The following CYYR1 variants were observed in gnomAD, a reference collection of about 807,000 sequenced individuals.
CYYR1 encodes cysteine and tyrosine rich 1.
In CYYR1, 14 loss-of-function variants were observed where a neutral mutation model predicts 15.2. That is an observed-to-expected ratio of 0.92 (90% CI 0.61 to 1.44). The LOEUF is 1.44. CYYR1 is among the 40% of genes most tolerant of loss of function. The pLI is 0.00. For synonymous variants in CYYR1, 80 were observed against 77.4 expected (o/e 1.03, Z -0.18); for missense variants, 228 against 209.5 (o/e 1.09, Z -0.54).
chr21:26,540,935 A>T (rs1978509055), intron 2 of CYYR1, among the ~76,000 whole-genome samples: 1 of 152,194 alleles, frequency 6.6e-6, no homozygotes, highest in Non-Finnish European at 1.5e-5. Context: ...CTCAGCAGAG[A>T]GATTGCAACT....
intron 2 of CYYR1, chr21:26,551,765 G>T: frequency 4.2e-6 from 1 of 237,998 alleles, no homozygotes; most frequent in Admixed American, 4.8e-5. Flanking sequence ...AAAATGCTGT[G>T]AACACTGTGG....
intron 2 of CYYR1, among the ~76,000 whole-genome samples, chr21:26,513,239 A>T (rs562019625): frequency 2.1e-4 from 32 of 152,240 alleles, no homozygotes; most frequent in African/African-American, 7.7e-4. Context: ...GCCTTGTACG[A>T]TCCTTAGTCT....
At chr21:26,506,371 G>C (rs1281208691) in intron 2 of CYYR1, among the ~76,000 whole-genome samples, 1 of 152,098 alleles carries the variant, frequency 6.6e-6, no homozygotes, top group Non-Finnish European at 1.5e-5. Flanking sequence ...ATGTCAATGA[G>C]GTTTCACTGC....
chr21:26,542,290 CGTGTGTGTGTGTGTGT>C (rs55725152), intron 2 of CYYR1, among the ~76,000 whole-genome samples: 1 of 128,070 alleles, frequency 7.8e-6, no homozygotes, highest in Non-Finnish European at 1.6e-5. Context: ...TGTGTGTGTG[CGTGTGTGTGTGTGTGT>C]GTGTGTGTGT....
chr21:26,529,625 A>G (rs1367517995), intron 2 of CYYR1, among the ~76,000 whole-genome samples: 1 of 152,246 alleles, frequency 6.6e-6, no homozygotes, highest in African/African-American at 2.4e-5. Flanking sequence ...CCAGTAGCAT[A>G]GTGCATATAA....
At chr21:26,533,464 G>C (rs540843448) in intron 2 of CYYR1, among the ~76,000 whole-genome samples, 30 of 152,110 alleles carry the variant, frequency 2.0e-4, no homozygotes, top group African/African-American at 7.2e-4. Flanking sequence ...TGAAGTCCAA[G>C]GGCAGAAGAA....
intron 2 of CYYR1, among the ~76,000 whole-genome samples, chr21:26,554,946 A>C (rs1400211206): frequency 2.6e-5 from 4 of 152,010 alleles, no homozygotes; most frequent in Non-Finnish European, 2.9e-5. Flanking sequence ...AATGACAGGA[A>C]AAATTTGTAA....
chr21:26,557,640 T>C (rs1979889155), intron 2 of CYYR1, among the ~76,000 whole-genome samples: 1 of 152,146 alleles, frequency 6.6e-6, no homozygotes, highest in Non-Finnish European at 1.5e-5. Flanking sequence ...GCTCCGTTGT[T>C]GGCTTGCTGT....
At position 26,473,940 on chromosome 21, in the gene CYYR1, T is replaced by C. The variant is rs1343365369; in HGVS notation, c.335-5306A>G. Reference sequence around the variant, plus strand: ...GGCCAGGAGGTGCTCAGGCTGTTCATAATCTTCATAGCCACTTTTCAAGCT... The same window carrying C: ...GGCCAGGAGGTGCTCAGGCTGTTCACAATCTTCATAGCCACTTTTCAAGCT... On this transcript the variant is annotated intron_variant, in intron 3 of 3. Coordinates refer to ENST00000652641, the MANE Select transcript of CYYR1 (RefSeq NM_001320768.2). Among the ~76,000 whole-genome samples, 4 of 152,308 alleles carry C rather than the reference T, an allele frequency of 2.6e-5. No homozygotes were observed. In the East Asian group the frequency reaches 7.7e-4, roughly 29 times the overall value.
rs562770808 is a variant in CYYR1 at position 26,476,013 on chromosome 21, T to C, written c.334+4259A>G. The stretch of plus-strand genomic sequence containing the variant: ...ACAGAAGTTTTCTTTAGTATGAACA[T>C]GAGCTTGTGATCTCTAAAAAGGTTT... On this transcript the variant is annotated intron_variant, in intron 3 of 3. Transcript: ENST00000652641. Among the ~76,000 whole-genome samples, 200 of 152,320 alleles carry C rather than the reference T, an allele frequency of 1.3e-3. 2 individuals are homozygous for C. Among genetic ancestry groups the C allele is most frequent in the African/African-American group, 4.6e-3 (190 of 41,600 alleles).
chr21:26,559,441 G>A (rs558390864), intron 2 of CYYR1, among the ~76,000 whole-genome samples: 4 of 152,074 alleles, frequency 2.6e-5, no homozygotes, highest in African/African-American at 7.2e-5. Context: ...TATAATTCAC[G>A]TCCCACAAAA....
intron 2 of CYYR1, among the ~76,000 whole-genome samples, chr21:26,484,883 G>GT (rs200977190): frequency 0.014 from 2,074 of 152,150 alleles, 16 homozygotes; most frequent in Middle Eastern, 0.068. Flanking sequence ...TATTAAATTA[G>GT]TTTTTTTGAT....
rs5843239 is a variant in CYYR1 at position 26,514,066 on chromosome 21, T to TA, written c.177-33638dup. 3.6e-4 allele frequency among the ~76,000 whole-genome samples: 54 copies of TA among 149,420 alleles called. 1 individual carries two copies. The highest frequency in any genetic ancestry group is 2.6e-3 in the East Asian group (13 of 4,970). ...TACCCTAAAACTTGAAGTATAATAA[T>TA]AAAAAAAAAAACCATGCCCAAGGTA... On this transcript the variant is annotated intron_variant, in intron 2 of 3. Coordinates refer to ENST00000652641, the MANE Select transcript of CYYR1 (RefSeq NM_001320768.2).
At position 26,564,587 on chromosome 21, in the gene CYYR1, C is replaced by G. The variant is rs553306677; in HGVS notation, c.176+1679G>C. ...ACTTCACTGCAAATGTAAATCATAT[C>G]AAGTACATCTATAAATTCAAATATA... On this transcript the variant is annotated intron_variant, in intron 2 of 3. Coordinates refer to ENST00000652641, the MANE Select transcript of CYYR1 (RefSeq NM_001320768.2). 6.5e-5 allele frequency: 48 copies of G among 741,364 alleles called. No homozygotes were observed. In the South Asian group the frequency reaches 2.3e-3, roughly 35 times the overall value. The allele number at this position is 741,364 out of a possible 1,614,324, so 45.9% of individuals were successfully genotyped here.
intron 2 of CYYR1, among the ~76,000 whole-genome samples, chr21:26,490,632 T>C (rs1569145158): frequency 6.6e-6 from 1 of 152,218 alleles, no homozygotes; most frequent in Non-Finnish European, 1.5e-5. Context: ...GAGAGTACTT[T>C]TGGGACATTG....
At chr21:26,514,138 G>A (rs541309846) in intron 2 of CYYR1, among the ~76,000 whole-genome samples, 5 of 152,156 alleles carry the variant, frequency 3.3e-5, no homozygotes, top group South Asian at 4.2e-4. Context: ...AGTCCCAGAC[G>A]TTGGGTGGGG....
chr21:26,497,969 T>C (rs2065429964), intron 2 of CYYR1, among the ~76,000 whole-genome samples: 1 of 152,230 alleles, frequency 6.6e-6, no homozygotes, highest in South Asian at 2.1e-4. Context: ...CATATGTCAT[T>C]TGTATCATAT....
At chr21:26,514,798 A>G (rs1345063845) in intron 2 of CYYR1, among the ~76,000 whole-genome samples, 2 of 152,252 alleles carry the variant, frequency 1.3e-5, no homozygotes, top group Non-Finnish European at 2.9e-5. Context: ...AGGAAGCAGC[A>G]TTATGCCCAT....
In CYYR1 at chr21:26,510,070, A is replaced by G. The variant is rs957029733; in HGVS notation, c.177-29641T>C. Among the ~76,000 whole-genome samples, 5 of 152,202 alleles carry G rather than the reference A, an allele frequency of 3.3e-5. 1 individual carries two copies. The South Asian group carries it at 1.0e-3, about 32-fold the overall frequency. ...CTATTCACATGGCTTCAATTTAGGT[A>G]TCCGCTCTGGAACTCTATTTTCAAA... On this transcript the variant is annotated intron_variant, in intron 2 of 3. Transcript: ENST00000652641.
Sources: allele counts gnomAD v4.1 joint callset (sites outside exome capture counted in the v4.1 genomes callset), GRCh38; gene constraint gnomAD v4.1.1; transcripts MANE v1.5; gene names NCBI Gene and HGNC (gene_info 2026-07-23, HGNC 2026-07-21).